The following RELN variants were observed in gnomAD, a reference collection of about 807,000 sequenced individuals.
RELN encodes reelin.
In RELN, 108 loss-of-function variants were observed where a neutral mutation model predicts 427.6. The ratio of observed to expected loss-of-function variants is 0.25; its 90% CI spans 0.22 to 0.30. The LOEUF (loss-of-function observed/expected upper bound fraction) is 0.30. Among genes scored for constraint, RELN ranks in the 10% least tolerant of loss-of-function variants. The pLI, the probability that RELN is intolerant of heterozygous loss-of-function variation, is 1.00. For missense variants in RELN, 3,715 were observed against 4,302.8 expected (o/e 0.86, Z 3.82); for synonymous variants, 1,524 against 1,513.4 (o/e 1.01, Z -0.16).
chr7:103,627,719 G>A (rs898666368), intron 20 of RELN, among the ~76,000 whole-genome samples: 6 of 152,186 alleles, frequency 3.9e-5, no homozygotes, highest in African/African-American at 1.4e-4. Context: ...CTATGGTGCT[G>A]CTCAAGGTGC....
chr7:103,779,442 T>A (rs1274382360), intron 3 of RELN, among the ~76,000 whole-genome samples: 1 of 152,104 alleles, frequency 6.6e-6, no homozygotes, highest in African/African-American at 2.4e-5. Flanking sequence ...ATTTACCCCC[T>A]AGGCACTGCT....
intron 3 of RELN, among the ~76,000 whole-genome samples, chr7:103,810,309 T>G (rs1001700730): frequency 1.3e-5 from 2 of 152,136 alleles, no homozygotes; most frequent in African/African-American, 4.8e-5. Flanking sequence ...CTAAGTAATG[T>G]CATTTCCTCC....
chr7:103,783,445 G>A (rs1015038606), intron 3 of RELN, among the ~76,000 whole-genome samples: 1 of 152,062 alleles, frequency 6.6e-6, no homozygotes, highest in African/African-American at 2.4e-5. Context: ...AATAAGCAAA[G>A]GATTCTGTAT....
chr7:103,482,488 G>A (rs1253063337), intron 63 of RELN, among the ~76,000 whole-genome samples: 1 of 152,194 alleles, frequency 6.6e-6, no homozygotes, highest in Non-Finnish European at 1.5e-5. Context: ...ACATTAGCTA[G>A]TAACACTTCA....
chr7:103,918,383 A>T (rs1795535548), intron 1 of RELN, among the ~76,000 whole-genome samples: 1 of 152,200 alleles, frequency 6.6e-6, no homozygotes, highest in Non-Finnish European at 1.5e-5. Context: ...GGATACTATT[A>T]TTATTTCCAG....
At chr7:103,663,163 C>T (rs1046827190) in intron 11 of RELN, among the ~76,000 whole-genome samples, 2 of 152,166 alleles carry the variant, frequency 1.3e-5, no homozygotes, top group Non-Finnish European at 2.9e-5. Context: ...TCCTACCCAG[C>T]CCCACCACTC....
At chr7:103,520,641 T>C (rs1025644233) in intron 48 of RELN, among the ~76,000 whole-genome samples, 3 of 152,228 alleles carry the variant, frequency 2.0e-5, no homozygotes, top group African/African-American at 4.8e-5. Flanking sequence ...ATTATACAGA[T>C]AATCTAATTA....
At chr7:103,838,596 C>T (rs987249392) in intron 2 of RELN, among the ~76,000 whole-genome samples, 13 of 152,148 alleles carry the variant, frequency 8.5e-5, no homozygotes, top group African/African-American at 2.2e-4. Flanking sequence ...TGCCACTCCC[C>T]TCTGGTCAGG....
At chr7:103,936,701 GA>G (rs1795992332) in intron 1 of RELN, among the ~76,000 whole-genome samples, 1 of 146,754 alleles carries the variant, frequency 6.8e-6, no homozygotes, top group African/African-American at 2.5e-5. Flanking sequence ...CTTTTACTGG[GA>G]AATTCCTACG....
rs1790261623 is a variant in RELN, at chr7:103,728,186, C to T, written c.678G>A (p.Glu226=). The change falls in exon 7 of 65, where the codon GAG becomes GAA. Residue 226 remains glutamate, a synonymous_variant. Transcript: ENST00000428762. The part of the protein sequence containing the change: ...PNIWVECNNC[E]TGEQCGAIMH... ...TAATCGCGCCACACTGTTCTCCAGT[C>T]TCACAGTTGTTACATTCAACCCTGC... 3 of 1,613,798 alleles carry T rather than the reference C, an allele frequency of 1.9e-6. No individual in the cohort carries two copies. In the African/African-American group the frequency reaches 4.0e-5, roughly 22 times the overall value.
intron 40 of RELN, 21 bp from the exon 41 acceptor site, chr7:103,551,317 T>C: frequency 1.3e-6 from 2 of 1,546,580 alleles, no homozygotes; most frequent in South Asian, 2.3e-5. Context: ...AAGAAAAAAA[T>C]GATACAAATT....
chr7:103,710,742 G>A (rs982523023), intron 8 of RELN, among the ~76,000 whole-genome samples: 3 of 152,192 alleles, frequency 2.0e-5, no homozygotes, highest in Non-Finnish European at 4.4e-5. Context: ...TCACAGGAAA[G>A]GTGATTTGAG....
rs117464392 is a variant in RELN, at chr7:103,674,598, G to C, written c.1289+7518C>G. Among the ~76,000 whole-genome samples the C allele has an allele frequency of 4.9e-3, 747 of 152,206 alleles. 15 individuals are homozygous for C. Among genetic ancestry groups the C allele is most frequent in the Admixed American group, 0.036 (555 of 15,288 alleles). On this transcript the variant is annotated intron_variant, in intron 11 of 64. Coordinates refer to ENST00000428762, the MANE Select transcript of RELN (RefSeq NM_005045.4). ...TTCCTCATGTCCGCATTCATTGCTC[G>C]TTCCTGGGGGGCAGAAGTCTCTGCT...
intron 46 of RELN, among the ~76,000 whole-genome samples, chr7:103,525,135 C>CCT (rs1466463196): frequency 6.6e-6 from 1 of 152,074 alleles, no homozygotes; most frequent in Non-Finnish European, 1.5e-5. Flanking sequence ...TCCCTCCCTT[C>CCT]CTCTCTCTCT....
chr7:103,794,254 A>G (rs1426273666), intron 3 of RELN, among the ~76,000 whole-genome samples: 1 of 152,164 alleles, frequency 6.6e-6, no homozygotes, highest in Non-Finnish European at 1.5e-5. Context: ...TCAGGCACAC[A>G]TGATTCCAAC....
At chr7:103,621,515 C>T (rs1832218491) in intron 20 of RELN, among the ~76,000 whole-genome samples, 1 of 152,112 alleles carries the variant, frequency 6.6e-6, no homozygotes, top group African/African-American at 2.4e-5. Flanking sequence ...GAAGAGGTTC[C>T]TAGGCAGAGG....
intron 27 of RELN, among the ~76,000 whole-genome samples, chr7:103,593,215 A>G (rs1831461171): frequency 6.6e-6 from 1 of 152,236 alleles, no homozygotes; most frequent in African/African-American, 2.4e-5. Flanking sequence ...GCTGAAAAAC[A>G]AGAAGCTTTT....
chr7:103,490,617 C>T (rs370006965), intron 59 of RELN, 51 bp downstream of exon 59: 44 of 1,590,758 alleles, frequency 2.8e-5, no homozygotes, highest in Non-Finnish European at 3.6e-5. Context: ...TGCATGAACT[C>T]TGTAGAGAGG....
At chr7:103,698,605 C>G (rs1834027943) in intron 9 of RELN, among the ~76,000 whole-genome samples, 1 of 152,152 alleles carries the variant, frequency 6.6e-6, no homozygotes, top group Non-Finnish European at 1.5e-5. Context: ...CCTTGAACTC[C>G]TGGCTCAAGT....
Sources: gnomAD v4.1 joint callset for allele counts (sites outside exome capture counted in the v4.1 genomes callset) on GRCh38, gnomAD v4.1.1 for gene constraint, MANE v1.5 for transcripts, NCBI Gene and HGNC (gene_info 2026-07-23, HGNC 2026-07-21) for gene names.